The following TMEFF2 variants were observed in gnomAD, a reference collection of about 807,000 sequenced individuals.
The protein encoded by TMEFF2 is transmembrane protein with EGF like and two follistatin like domains 2, also known as tomoregulin-2.
TMEFF2 carries 28 observed loss-of-function variants against 53.8 expected under a neutral mutation model. The observed-to-expected ratio is 0.52, with a 90% CI of 0.39 to 0.71. TMEFF2 has a LOEUF of 0.71. TMEFF2 is among the 30% of genes least tolerant of loss of function. The probability of loss-of-function intolerance (pLI) is 0.00; values close to 1 mark genes in which losing one functional copy is unlikely to be tolerated. For missense variants in TMEFF2, 353 were observed against 455.2 expected (o/e 0.78, Z 2.04); for synonymous variants, 162 against 166.3 (o/e 0.97, Z 0.20).
intron 4 of TMEFF2, among the ~76,000 whole-genome samples, chr2:192,075,320 T>TATAAATATAA (rs1559115218): frequency 2.0e-4 from 18 of 87,878 alleles, no homozygotes; most frequent in Non-Finnish European, 3.4e-4. Context: ...TATATATATA[T>TATAAATATAA]ATATATATAT....
At chr2:192,099,026 G>A (rs1351462934) in intron 4 of TMEFF2, among the ~76,000 whole-genome samples, 1 of 151,984 alleles carries the variant, frequency 6.6e-6, no homozygotes, top group Non-Finnish European at 1.5e-5. Flanking sequence ...TTTAGTACTT[G>A]GTTCATATTC....
intron 8 of TMEFF2, 46 bp from the exon 9 acceptor site, chr2:191,953,883 AT>A (rs563154787): frequency 0.11 from 66,583 of 604,176 alleles, 4 homozygotes; most frequent in East Asian, 0.15. Context: ...TGCTGCATTC[AT>A]TTTTTTTTTT....
rs148583407 is a variant in TMEFF2, at chr2:192,064,577, C to G, written c.440-6802G>C. 3.5e-3 allele frequency among the ~76,000 whole-genome samples: 536 copies of G among 151,942 alleles called. 4 individuals carry two copies. The highest frequency in any genetic ancestry group is 0.012 in the African/African-American group (485 of 41,520). ...AAAAACACTTTTGGCATATGATGCA[C>G]AGTAGATTGTATCATTTCCCCCCAT... is the stretch of plus-strand genomic sequence containing the variant. On this transcript the variant is annotated intron_variant, in intron 4 of 9. Transcript: ENST00000272771.
chr2:192,141,774 T>A, intron 4 of TMEFF2, among the ~76,000 whole-genome samples: 1 of 152,130 alleles, frequency 6.6e-6, no homozygotes, highest in Admixed American at 6.5e-5. Flanking sequence ...CAGAAGTGGA[T>A]AAGTTGGACA....
chr2:192,135,606 C>A (rs2105983468), intron 4 of TMEFF2, among the ~76,000 whole-genome samples: 1 of 151,972 alleles, frequency 6.6e-6, no homozygotes, highest in South Asian at 2.1e-4. Flanking sequence ...TCCATACCAC[C>A]CCCCAAAAAT....
At chr2:192,022,029 G>C (rs977887866) in intron 5 of TMEFF2, 9 of 152,168 alleles carry the variant, frequency 5.9e-5, no homozygotes, top group African/African-American at 2.2e-4. Context: ...ACGGTTTTGG[G>C]TTAGTGTTGG....
intron 7 of TMEFF2, among the ~76,000 whole-genome samples, chr2:191,968,437 G>C (rs1246730913): frequency 2.0e-5 from 3 of 152,178 alleles, no homozygotes; most frequent in Non-Finnish European, 2.9e-5. Flanking sequence ...CAGCAGAATA[G>C]AAGAGGCAGA....
At chr2:192,074,794 C>T (rs567267410) in intron 4 of TMEFF2, among the ~76,000 whole-genome samples, 54 of 151,906 alleles carry the variant, frequency 3.6e-4, no homozygotes, top group African/African-American at 1.3e-3. Flanking sequence ...ATAATAGCAT[C>T]CATGAATCAA....
intron 4 of TMEFF2, among the ~76,000 whole-genome samples, chr2:192,069,256 T>C (rs1295182870): frequency 6.6e-6 from 1 of 151,770 alleles, no homozygotes; most frequent in Non-Finnish European, 1.5e-5. Flanking sequence ...GTCTACCCGC[T>C]AGAACCCCTG....
At chr2:192,060,727 A>T (rs1489252798) in intron 4 of TMEFF2, among the ~76,000 whole-genome samples, 1 of 152,204 alleles carries the variant, frequency 6.6e-6, no homozygotes, top group East Asian at 1.9e-4. Context: ...GTAACAGGAA[A>T]GATCAGTGCT....
chr2:192,055,820 TAAA>T (rs201968432), intron 5 of TMEFF2, among the ~76,000 whole-genome samples: 3 of 121,144 alleles, frequency 2.5e-5, no homozygotes, highest in Non-Finnish European at 3.6e-5. Flanking sequence ...TCTGTCTCAA[TAAA>T]AAACAAAAAA....
chr2:192,126,462 T>C (rs1431101375), intron 4 of TMEFF2, among the ~76,000 whole-genome samples: 1 of 152,218 alleles, frequency 6.6e-6, no homozygotes, highest in Non-Finnish European at 1.5e-5. Context: ...GTATGATATA[T>C]GTCAGAAAAA....
At chr2:192,162,322 AT>A (rs1193706650) in intron 4 of TMEFF2, among the ~76,000 whole-genome samples, 1 of 152,188 alleles carries the variant, frequency 6.6e-6, no homozygotes. Context: ...GGATTAAAAA[AT>A]TTGATAATAC....
At chr2:192,012,659 A>G (rs935857530) in intron 5 of TMEFF2, among the ~76,000 whole-genome samples, 4 of 152,214 alleles carry the variant, frequency 2.6e-5, no homozygotes, top group African/African-American at 7.2e-5. Context: ...AATCGGCAAA[A>G]GTACTTTTAA....
At chr2:192,031,366 G>A (rs1254484414) in intron 5 of TMEFF2, 1 of 152,146 alleles carries the variant, frequency 6.6e-6, no homozygotes, top group Admixed American at 6.5e-5. Flanking sequence ...ACACTTAGCA[G>A]ACAGTCAGTG....
chr2:191,959,910 T>C (rs1450682774), intron 7 of TMEFF2, among the ~76,000 whole-genome samples: 1 of 152,194 alleles, frequency 6.6e-6, no homozygotes, highest in East Asian at 1.9e-4. Context: ...AGAGTCTTAC[T>C]CTATTACCCA....
chr2:192,053,463 AG>A (rs1687822390), intron 5 of TMEFF2, among the ~76,000 whole-genome samples: 1 of 122,014 alleles, frequency 8.2e-6, no homozygotes, highest in Non-Finnish European at 1.9e-5. Context: ...AAGAAAGATC[AG>A]GAATTAATTT....
chr2:192,003,687 A>G (rs1686421035), intron 5 of TMEFF2, among the ~76,000 whole-genome samples: 1 of 152,240 alleles, frequency 6.6e-6, no homozygotes, highest in South Asian at 2.1e-4. Context: ...ATCCTTAAAT[A>G]AAATGCTATA....
intron 4 of TMEFF2, among the ~76,000 whole-genome samples, chr2:192,153,511 A>G (rs1014354321): frequency 2.6e-5 from 4 of 151,770 alleles, no homozygotes; most frequent in African/African-American, 9.7e-5. Flanking sequence ...GGTCAACTTT[A>G]CCCTGTTTGT....
Sources: gnomAD v4.1 joint callset for allele counts (sites outside exome capture counted in the v4.1 genomes callset) on GRCh38, gnomAD v4.1.1 for gene constraint, MANE v1.5 for transcripts, NCBI Gene and HGNC (gene_info 2026-07-23, HGNC 2026-07-21) for gene names.